The following EPN2 variants were observed in gnomAD, a reference collection of about 807,000 sequenced individuals.
EPN2 encodes epsin-2.
Under a neutral mutation model 61.7 loss-of-function variants are expected in EPN2, and 34 were observed. That is an observed-to-expected ratio of 0.55 (90% CI 0.42 to 0.73). EPN2 has a LOEUF of 0.73. EPN2 is among the 30% of genes least tolerant of loss of function. The pLI, the probability that EPN2 is intolerant of heterozygous loss-of-function variation, is 0.00. For missense variants in EPN2, 714 were observed against 839.2 expected, an observed-to-expected ratio of 0.85 and a Z score of 1.84; for synonymous variants, 349 against 353.6, an observed-to-expected ratio of 0.99 and a Z score of 0.15.
At chr17:19,326,557 G>A (rs907426848) in intron 7 of EPN2, among the ~76,000 whole-genome samples, 1 of 151,914 alleles carries the variant, frequency 6.6e-6, no homozygotes, top group African/African-American at 2.4e-5. Context: ...TGTGGTGGTG[G>A]GTGCCTGTAG....
chr17:19,306,396 G>C (rs1028310705), intron 4 of EPN2: 1 of 152,256 alleles, frequency 6.6e-6, no homozygotes, highest in Non-Finnish European at 1.5e-5. Context: ...GATGTTCAAT[G>C]GTTGGTGGCC....
At chr17:19,267,555 TA>T (rs752709512) in intron 1 of EPN2, among the ~76,000 whole-genome samples, 5 of 149,874 alleles carry the variant, frequency 3.3e-5, no homozygotes, top group South Asian at 2.1e-4. Context: ...TTTTTTTTTT[TA>T]AAAAAAGACA....
intron 4 of EPN2, among the ~76,000 whole-genome samples, chr17:19,291,317 C>T (rs2045462308): frequency 6.6e-6 from 1 of 152,216 alleles, no homozygotes; most frequent in Admixed American, 6.5e-5. Context: ...TGCTGTCCGC[C>T]AGGCCTTCGG....
chr17:19,330,990 GTGTTTTGTTTTTT>G (rs1270848214), intron 9 of EPN2, among the ~76,000 whole-genome samples: 1 of 152,134 alleles, frequency 6.6e-6, no homozygotes, highest in Non-Finnish European at 1.5e-5. Context: ...GGTGTTATTG[GTGTTTTGTTTTTT>G]TGTTTTGTTT....
chr17:19,255,448 AT>A (rs2045064602), intron 1 of EPN2, among the ~76,000 whole-genome samples: 1 of 121,578 alleles, frequency 8.2e-6, no homozygotes, highest in African/African-American at 4.0e-5. Context: ...TTATTTATTT[AT>A]TTATTTATTT....
chr17:19,293,005 G>A lies in EPN2; in HGVS notation c.766+7215G>A, dbSNP rs551402803. Among the ~76,000 whole-genome samples, 419 of 152,168 alleles carry A rather than the reference G, an allele frequency of 2.8e-3. 1 individual carries two copies. Among genetic ancestry groups the A allele is most frequent in the Admixed American group, 5.6e-3 (85 of 15,278 alleles). ...TTTTTTCTGCAAAATAGGCAAATAC[G>A]GTGTACACCTATTACAATTTTAAAA... On this transcript the variant is annotated intron_variant, in intron 4 of 10. Transcript: ENST00000314728.
At chr17:19,247,903 G>A (rs1421882972) in intron 1 of EPN2, among the ~76,000 whole-genome samples, 1 of 152,228 alleles carries the variant, frequency 6.6e-6, no homozygotes, top group Non-Finnish European at 1.5e-5. Flanking sequence ...TGGCTGGGAA[G>A]TTTGGATTTG....
At chr17:19,333,175 C>T (rs1306822395) in intron 10 of EPN2, among the ~76,000 whole-genome samples, 2 of 152,126 alleles carry the variant, frequency 1.3e-5, no homozygotes, top group Admixed American at 1.3e-4. Flanking sequence ...CCTTATGCCT[C>T]TTCTGCCCAG....
intron 1 of EPN2, among the ~76,000 whole-genome samples, chr17:19,273,890 G>C (rs2045280695): frequency 6.6e-6 from 1 of 152,118 alleles, no homozygotes; most frequent in South Asian, 2.1e-4. Flanking sequence ...TTCTCTTTTG[G>C]CTGAAATGAT....
At chr17:19,287,388 A>G (rs2045416565) in intron 4 of EPN2, among the ~76,000 whole-genome samples, 1 of 152,044 alleles carries the variant, frequency 6.6e-6, no homozygotes. Context: ...TTTTGAGCAA[A>G]CAAGTGTTAT....
chr17:19,323,408 G>T (rs1021252215), intron 7 of EPN2, among the ~76,000 whole-genome samples: 1 of 152,168 alleles, frequency 6.6e-6, no homozygotes, highest in African/African-American at 2.4e-5. Context: ...AAGCTGACAG[G>T]GTTTTCCAGA....
chr17:19,300,533 A>G (rs1378469659), intron 4 of EPN2, among the ~76,000 whole-genome samples: 1 of 141,260 alleles, frequency 7.1e-6, no homozygotes, highest in African/African-American at 2.6e-5. Context: ...GGTTCAGGCG[A>G]TTCTCCTGCC....
intron 7 of EPN2, among the ~76,000 whole-genome samples, chr17:19,324,954 C>T (rs187886810): frequency 3.9e-4 from 59 of 152,216 alleles, no homozygotes; most frequent in Admixed American, 1.0e-3. Context: ...GATTTCATGT[C>T]GGGTGAGAGG....
In EPN2 at chr17:19,287,569, A is replaced by C. The variant is rs183347054; in HGVS notation, c.766+1779A>C. ...AGGGTTGAGTATAAGGTAAGTGCTT[A>C]ATCTATGCACACCAGTGGATTTGTT... On this transcript the variant is annotated intron_variant, in intron 4 of 10. Transcript: ENST00000314728. Among the ~76,000 whole-genome samples, 73 of 152,210 alleles carry C rather than the reference A, an allele frequency of 4.8e-4. 1 individual carries two copies. The highest frequency in any genetic ancestry group is 5.3e-4 in the Non-Finnish European group (36 of 68,016).
At position 19,288,820 on chromosome 17, in the gene EPN2, G is replaced by A. The variant is rs548482503; in HGVS notation, c.766+3030G>A. On this transcript the variant is annotated intron_variant, in intron 4 of 10. Coordinates refer to ENST00000314728, the MANE Select transcript of EPN2 (RefSeq NM_014964.5). ...TAGGAGCTTTTGAAACACTTTCACT[G>A]TGCTTACCTTGCAGACCATGCACTC... Among the ~76,000 whole-genome samples, 7 of 152,344 alleles carry A rather than the reference G, an allele frequency of 4.6e-5. No individual in the cohort carries two copies. The South Asian group carries it at 1.4e-3, about 32-fold the overall frequency.
chr17:19,291,232 C>T (rs1313534801), intron 4 of EPN2, among the ~76,000 whole-genome samples: 1 of 152,178 alleles, frequency 6.6e-6, no homozygotes, highest in Non-Finnish European at 1.5e-5. Flanking sequence ...GCCAGAGTGT[C>T]AAGCAGCCTG....
chr17:19,267,335 T>A (rs1260194095), intron 1 of EPN2, among the ~76,000 whole-genome samples: 1 of 151,858 alleles, frequency 6.6e-6, no homozygotes, highest in African/African-American at 2.4e-5. Context: ...ATTGTGAATA[T>A]ACTAAAAAAA....
At position 19,335,273 on chromosome 17, in the gene EPN2, G is replaced by C; in HGVS notation, c.*1019G>C. 1 of 847,906 alleles carries C rather than the reference G, an allele frequency of 1.2e-6. No individual in the cohort carries two copies. Among genetic ancestry groups the C allele is most frequent in the South Asian group, 2.3e-5 (1 of 43,200 alleles). The allele number at this position is 847,906 out of a possible 1,614,324, so 52.5% of individuals were successfully genotyped here. A position where few individuals can be genotyped will look rare whatever the true frequency, so the allele number is the denominator to read the frequency against. On this transcript the variant is annotated 3_prime_UTR_variant, in exon 11 of 11. Coordinates refer to ENST00000314728, the MANE Select transcript of EPN2 (RefSeq NM_014964.5). The stretch of plus-strand genomic sequence containing the variant: ...GAATTACTAAACTGATTGACTTTCA[G>C]CCTTTTTGGCTAGATCCTGAGAGGC...
At chr17:19,281,663 C>A (rs1429049667) in intron 1 of EPN2, among the ~76,000 whole-genome samples, 1 of 152,060 alleles carries the variant, frequency 6.6e-6, no homozygotes, top group Non-Finnish European at 1.5e-5. Context: ...GTCAGCTGAC[C>A]GTGTGATTCC....
Sources: allele counts gnomAD v4.1 joint callset (sites outside exome capture counted in the v4.1 genomes callset), GRCh38; gene constraint gnomAD v4.1.1; transcripts MANE v1.5; gene names NCBI Gene and HGNC (gene_info 2026-07-23, HGNC 2026-07-21).